Variants in PEX7 observed in about 807,000 individuals in gnomAD.
PEX7 encodes the protein PTS2 receptor.
A neutral mutation model predicts 47.5 loss-of-function variants in PEX7; 34 were observed. That is an observed-to-expected ratio of 0.72 (90% CI 0.54 to 0.95). PEX7 has a LOEUF of 0.95. Ranked by LOEUF, PEX7 falls within the 40% of genes least tolerant of loss-of-function variation. PEX7 has a pLI of 0.00. For missense variants in PEX7, 394 were observed against 400.3 expected, an observed-to-expected ratio of 0.98 and a Z score of 0.13; for synonymous variants, 141 against 148.8, an observed-to-expected ratio of 0.95 and a Z score of 0.38.
At chr6:136,907,548 G>T (rs1334593672) in intron 9 of PEX7, among the ~76,000 whole-genome samples, 1 of 151,786 alleles carries the variant, frequency 6.6e-6, no homozygotes, top group Non-Finnish European at 1.5e-5. Flanking sequence ...TTGCTAAAGA[G>T]GCCATGTGTC....
chr6:136,848,595 C>G lies in PEX7; in HGVS notation c.526+2414C>G, dbSNP rs139186475. Among the ~76,000 whole-genome samples the G allele has an allele frequency of 2.0e-3, 299 of 152,302 alleles. 2 individuals are homozygous for G. The highest frequency in any genetic ancestry group is 6.4e-3 in the African/African-American group (268 of 41,558). ...ATTTGGTCAAAGGCCTTTTCTGCAT[C>G]TGTTGAGATAATCATGTGGTTTTTG... On this transcript the variant is annotated intron_variant, in intron 5 of 9. Transcript: ENST00000318471.
chr6:136,854,161 C>T (rs1774814061), intron 5 of PEX7, among the ~76,000 whole-genome samples: 1 of 152,090 alleles, frequency 6.6e-6, no homozygotes, highest in Admixed American at 6.5e-5. Flanking sequence ...TTAACCCTTT[C>T]ATTTACATGT....
intron 8 of PEX7, among the ~76,000 whole-genome samples, chr6:136,891,591 C>A (rs1775554951): frequency 6.6e-6 from 1 of 151,636 alleles, no homozygotes; most frequent in East Asian, 1.9e-4. Context: ...ATGAATGTTA[C>A]CATCAGTAAA....
intron 3 of PEX7, among the ~76,000 whole-genome samples, chr6:136,831,036 T>C (rs1267248912): frequency 6.6e-6 from 1 of 152,236 alleles, no homozygotes; most frequent in Non-Finnish European, 1.5e-5. Context: ...AATTATTTAC[T>C]TTTTGATAAT....
Position 136,828,001 on chromosome 6 carries a change from G to GT in PEX7, c.339+1542dup, listed in dbSNP as rs1027400013. 1.6e-3 allele frequency among the ~76,000 whole-genome samples: 237 copies of GT among 148,322 alleles called. 2 individuals carry two copies. The East Asian group carries it at 0.04, about 25-fold the overall frequency. ...TTAAAAAATATTTTTCTTTTCAGAA[G>GT]TTTTTTTTTTCCTTTTTCTTAAATC... On this transcript the variant is annotated intron_variant, in intron 3 of 9. Coordinates refer to ENST00000318471, the MANE Select transcript of PEX7 (RefSeq NM_000288.4).
intron 8 of PEX7, among the ~76,000 whole-genome samples, chr6:136,890,416 C>T (rs75951809): frequency 0.024 from 3,634 of 152,218 alleles, 144 homozygotes; most frequent in African/African-American, 0.082. Flanking sequence ...ACTGTACAGC[C>T]GACTTTGTCA....
chr6:136,836,207 A>G (rs1774381567), intron 3 of PEX7, among the ~76,000 whole-genome samples: 1 of 142,184 alleles, frequency 7.0e-6, no homozygotes. Context: ...GAGCTATGTA[A>G]ATATATGTAA....
intron 6 of PEX7, among the ~76,000 whole-genome samples, chr6:136,868,663 T>A (rs1316768918): frequency 6.6e-6 from 1 of 151,944 alleles, no homozygotes; most frequent in Non-Finnish European, 1.5e-5. Flanking sequence ...AAGCCCAACA[T>A]AGTCAGACAA....
At chr6:136,834,586 A>C (rs12110737) in intron 3 of PEX7, among the ~76,000 whole-genome samples, 1 of 152,224 alleles carries the variant, frequency 6.6e-6, no homozygotes, top group Non-Finnish European at 1.5e-5. Context: ...TGGCATGTCC[A>C]CACAACCAGA....
At chr6:136,864,118 C>T (rs1166745809) in intron 5 of PEX7, among the ~76,000 whole-genome samples, 1 of 152,054 alleles carries the variant, frequency 6.6e-6, no homozygotes, top group African/African-American at 2.4e-5. Flanking sequence ...CTATATTCCT[C>T]ATTTGTATAG....
Position 136,876,686 on chromosome 6 carries a change from G to A in PEX7, c.803+4433G>A, listed in dbSNP as rs569133089. 5.9e-5 allele frequency among the ~76,000 whole-genome samples: 9 copies of A among 152,302 alleles called. No individual in the cohort carries two copies. The East Asian group carries it at 1.7e-3, about 29-fold the overall frequency. ...CATGAACTCATCATTTTTTATGGCT[G>A]TATAGTGTTCCATGGTGTATATGTG... On this transcript the variant is annotated intron_variant, in intron 8 of 9. Transcript: ENST00000318471.
At chr6:136,830,834 C>G (rs1485450829) in intron 3 of PEX7, among the ~76,000 whole-genome samples, 1 of 152,118 alleles carries the variant, frequency 6.6e-6, no homozygotes, top group Non-Finnish European at 1.5e-5. Context: ...AATTTGTTCT[C>G]ATAGTCAAAT....
chr6:136,838,262 T>C (rs1286376089), intron 3 of PEX7, among the ~76,000 whole-genome samples: 1 of 152,164 alleles, frequency 6.6e-6, no homozygotes, highest in Non-Finnish European at 1.5e-5. Context: ...AAACATGAAC[T>C]GAATCTGATT....
rs1471663509 is a variant in PEX7 at position 136,822,624 on chromosome 6, C to G, written c.-42C>G. 1 of 1,515,898 alleles carries G rather than the reference C, an allele frequency of 6.6e-7. No individual in the cohort carries two copies. The highest frequency in any genetic ancestry group is 1.4e-5 in the African/African-American group (1 of 71,888). The allele number at this position is 1,515,898 out of a possible 1,614,324, so 93.9% of individuals were successfully genotyped here. On this transcript the variant is annotated 5_prime_UTR_variant, in exon 1 of 10. Coordinates refer to ENST00000318471, the MANE Select transcript of PEX7 (RefSeq NM_000288.4). ...CCAGTGTGCCTCCGACTCGGAACGG[C>G]TTCCGCGGCCGGGGCAGCGAGGGCC...
At chr6:136,822,892 G>A (rs1050571167) in intron 1 of PEX7, 97 bp downstream of exon 1, 30 of 1,218,162 alleles carry the variant, frequency 2.5e-5, no homozygotes, top group Non-Finnish European at 3.1e-5. Context: ...GCCCCTCTGA[G>A]CGTAGACGGT....
intron 9 of PEX7, among the ~76,000 whole-genome samples, chr6:136,906,233 TTAGAAA>T (rs892177091): frequency 2.0e-5 from 3 of 152,180 alleles, no homozygotes; most frequent in African/African-American, 7.2e-5. Flanking sequence ...GTGTGGCCAG[TTAGAAA>T]TAGGAGAAAA....
At position 136,866,723 on chromosome 6, in the gene PEX7, A is replaced by G; in HGVS notation, c.623A>G (p.Lys208Arg). The part of the protein sequence containing the change: ...QAEILSCDWC[K>R]YNENLLVTGA... ...GAAATCTTGAGTTGTGACTGGTGTAAATACAATGAGGTATAGTGTATGGCT... is the reference window on the plus strand; with the variant it reads ...GAAATCTTGAGTTGTGACTGGTGTAGATACAATGAGGTATAGTGTATGGCT... The change falls in exon 6 of 10, where the codon AAA becomes AGA. Residue 208 changes from lysine (K) to arginine (R), a missense_variant. Coordinates refer to ENST00000318471, the MANE Select transcript of PEX7 (RefSeq NM_000288.4). The G allele has an allele frequency of 6.2e-7, 1 of 1,613,292 alleles. No homozygotes were observed. The highest frequency in any genetic ancestry group is 8.5e-7 in the Non-Finnish European group (1 of 1,179,322).
intron 9 of PEX7, among the ~76,000 whole-genome samples, chr6:136,906,539 A>G (rs573508043): frequency 1.6e-4 from 25 of 151,884 alleles, no homozygotes; most frequent in Middle Eastern, 6.8e-3. Context: ...CCAAAGAAAA[A>G]AATTAAAAAT....
intron 5 of PEX7, among the ~76,000 whole-genome samples, chr6:136,849,618 G>T (rs13437279): frequency 0.016 from 2,391 of 152,298 alleles, 72 homozygotes; most frequent in African/African-American, 0.055. Flanking sequence ...GTATCCAGTA[G>T]TCATTCAGGA....
Sources: allele counts gnomAD v4.1 joint callset (sites outside exome capture counted in the v4.1 genomes callset), GRCh38; gene constraint gnomAD v4.1.1; transcripts MANE v1.5; gene names NCBI Gene and HGNC (gene_info 2026-07-23, HGNC 2026-07-21).